The following SGPP2 variants were observed in gnomAD, a reference collection of about 807,000 sequenced individuals.
The protein encoded by SGPP2 is sphingosine 1-phosphate phosphohydrolase 2.
Under a neutral mutation model 33.9 loss-of-function variants are expected in SGPP2, and 30 were observed. The ratio of observed to expected loss-of-function variants is 0.89; its 90% CI spans 0.66 to 1.20. SGPP2 has a LOEUF of 1.20. Among genes scored for constraint, SGPP2 ranks in the 50% most tolerant of loss-of-function variants. The pLI, the probability that SGPP2 is intolerant of heterozygous loss-of-function variation, is 0.00. For missense variants in SGPP2, 458 were observed against 532.1 expected (o/e 0.86, Z 1.37); for synonymous variants, 233 against 225.0 (o/e 1.04, Z -0.32).
chr2:222,499,515 G>A (rs1698334195), intron 2 of SGPP2, among the ~76,000 whole-genome samples: 1 of 152,186 alleles, frequency 6.6e-6, no homozygotes, highest in South Asian at 2.1e-4. Flanking sequence ...CCCAGGGCAT[G>A]AGAGCATGTT....
intron 1 of SGPP2, among the ~76,000 whole-genome samples, chr2:222,467,942 T>C (rs1574845751): frequency 2.5e-5 from 1 of 40,602 alleles, no homozygotes; most frequent in African/African-American, 6.0e-5. Context: ...TATTTAAAGC[T>C]CTAATCTGAA....
rs545687260 is a variant in SGPP2, at chr2:222,512,605, C to T, written c.379-9162C>T. On this transcript the variant is annotated intron_variant, in intron 2 of 4. Transcript: ENST00000321276. ...GTGTCATACAGAATAGTTTCACTATCTAAAATTTCTCTGTGCTCTGCCTGT... is the reference window on the plus strand; with the variant it reads ...GTGTCATACAGAATAGTTTCACTATTTAAAATTTCTCTGTGCTCTGCCTGT... Among the ~76,000 whole-genome samples the T allele has an allele frequency of 2.6e-5, 4 of 152,276 alleles. No homozygotes were observed. The East Asian group carries it at 7.7e-4, about 29-fold the overall frequency.
At chr2:222,466,254 T>A (rs1357632456) in intron 1 of SGPP2, among the ~76,000 whole-genome samples, 1 of 46,304 alleles carries the variant, frequency 2.2e-5, no homozygotes, top group East Asian at 5.6e-4. Context: ...TGTTTTCAAC[T>A]TTTTTTTTTT....
At chr2:222,503,884 G>A (rs1452525777) in intron 2 of SGPP2, 1 of 152,052 alleles carries the variant, frequency 6.6e-6, no homozygotes, top group East Asian at 1.9e-4. Context: ...ACACCTCAGA[G>A]GTCACACAGA....
At chr2:222,445,638 AG>A in intron 1 of SGPP2, among the ~76,000 whole-genome samples, 1 of 152,218 alleles carries the variant, frequency 6.6e-6, no homozygotes, top group African/African-American at 2.4e-5. Context: ...CCCAGAGGAG[AG>A]GCTCAGAATC....
At chr2:222,507,839 T>A (rs888006980) in intron 2 of SGPP2, among the ~76,000 whole-genome samples, 1 of 152,232 alleles carries the variant, frequency 6.6e-6, no homozygotes, top group African/African-American at 2.4e-5. Flanking sequence ...TTTAACAGTA[T>A]ATCTCATAAT....
chr2:222,435,099 G>A (rs1231435717), intron 1 of SGPP2, among the ~76,000 whole-genome samples: 1 of 147,488 alleles, frequency 6.8e-6, no homozygotes, highest in Non-Finnish European at 1.5e-5. Context: ...TATATATGGA[G>A]TTTATTTAGT....
intron 2 of SGPP2, among the ~76,000 whole-genome samples, chr2:222,494,055 C>A (rs1199037366): frequency 1.3e-5 from 2 of 152,178 alleles, no homozygotes; most frequent in African/African-American, 2.4e-5. Context: ...TCCCTATTCC[C>A]ACCTTTCAAG....
intron 1 of SGPP2, among the ~76,000 whole-genome samples, chr2:222,438,189 T>C (rs1284334433): frequency 1.3e-5 from 2 of 152,206 alleles, no homozygotes; most frequent in African/African-American, 4.8e-5. Context: ...CAACTTATTC[T>C]TCACTTTAGA....
chr2:222,537,127 C>G (rs949872744), intron 4 of SGPP2, among the ~76,000 whole-genome samples: 1 of 152,126 alleles, frequency 6.6e-6, no homozygotes, highest in African/African-American at 2.4e-5. Context: ...AGCCAGGAAG[C>G]CTCCTGTATT....
chr2:222,555,249 G>T (rs1216756634), intron 4 of SGPP2, among the ~76,000 whole-genome samples: 1 of 152,120 alleles, frequency 6.6e-6, no homozygotes, highest in Non-Finnish European at 1.5e-5. Context: ...CCATTCAGGG[G>T]CATTGGGGTT....
intron 4 of SGPP2, among the ~76,000 whole-genome samples, chr2:222,536,078 A>C (rs1389511122): frequency 1.3e-5 from 2 of 152,190 alleles, no homozygotes. Context: ...TTTAAGACTA[A>C]GGGGTTGATG....
intron 2 of SGPP2, among the ~76,000 whole-genome samples, chr2:222,520,737 A>AAAAAC (rs1698673010): frequency 1.4e-5 from 2 of 140,370 alleles, no homozygotes; most frequent in Non-Finnish European, 1.5e-5. Flanking sequence ...AAAAAAAAAA[A>AAAAAC]AAAAAAAACC....
chr2:222,442,264 T>G (rs1039504080), intron 1 of SGPP2, among the ~76,000 whole-genome samples: 4 of 152,244 alleles, frequency 2.6e-5, no homozygotes, highest in Admixed American at 2.0e-4. Flanking sequence ...TTTTAATTGT[T>G]GTATGTCATT....
intron 4 of SGPP2, among the ~76,000 whole-genome samples, chr2:222,531,281 G>T (rs1442727172): frequency 6.6e-6 from 1 of 152,172 alleles, no homozygotes; most frequent in Non-Finnish European, 1.5e-5. Context: ...TCTGCAAAGT[G>T]CAATCAAGGG....
rs1689476778 is a variant in SGPP2 at position 222,559,096 on chromosome 2, T to G, written c.*198T>G. 1 of 534,958 alleles carries G rather than the reference T, an allele frequency of 1.9e-6. No homozygotes were observed. Among genetic ancestry groups the G allele is most frequent in the African/African-American group, 1.9e-5 (1 of 52,320 alleles). The allele number at this position is 534,958 out of a possible 1,614,324, so 33.1% of individuals were successfully genotyped here. On this transcript the variant is annotated 3_prime_UTR_variant, in exon 5 of 5. Transcript: ENST00000321276. The stretch of plus-strand genomic sequence containing the variant: ...AGCGGTCATTGGTCGTCCGTGGTGG[T>G]TGGTTGTGCTACAGTTGAACCCAGG...
intron 4 of SGPP2, among the ~76,000 whole-genome samples, chr2:222,546,502 A>G (rs1407270608): frequency 6.6e-6 from 1 of 152,232 alleles, no homozygotes; most frequent in Non-Finnish European, 1.5e-5. Flanking sequence ...AAAAACTAAC[A>G]TTTTAAAAAT....
At chr2:222,461,185 C>A (rs1300915987) in intron 1 of SGPP2, among the ~76,000 whole-genome samples, 1 of 152,214 alleles carries the variant, frequency 6.6e-6, no homozygotes, top group Non-Finnish European at 1.5e-5. Flanking sequence ...TGAACACATG[C>A]TGTGTGCCTG....
intron 2 of SGPP2, among the ~76,000 whole-genome samples, chr2:222,478,634 C>G (rs770989107): frequency 9.9e-5 from 15 of 152,186 alleles, no homozygotes; most frequent in African/African-American, 1.9e-4. Flanking sequence ...CCAAAACTCA[C>G]TGGAAGGCAA....
Sources: allele counts gnomAD v4.1 joint callset (sites outside exome capture counted in the v4.1 genomes callset), GRCh38; gene constraint gnomAD v4.1.1; transcripts MANE v1.5; gene names NCBI Gene and HGNC (gene_info 2026-07-23, HGNC 2026-07-21).